The following OGDH variants were observed in gnomAD, a reference collection of about 807,000 sequenced individuals.
OGDH encodes the protein 2-oxoglutarate dehydrogenase complex component E1.
OGDH carries 38 observed loss-of-function variants against 116.6 expected under a neutral mutation model. The ratio of observed to expected loss-of-function variants is 0.33; its 90% CI spans 0.25 to 0.43. The LOEUF is 0.43. Ranked by LOEUF, OGDH falls within the 20% of genes least tolerant of loss-of-function variation. OGDH has a pLI of 1.00. For synonymous variants in OGDH, 488 were observed against 533.3 expected, an observed-to-expected ratio of 0.92 and a Z score of 1.17; for missense variants, 825 against 1,357.2, an observed-to-expected ratio of 0.61 and a Z score of 6.16.
intron 4 of OGDH, among the ~76,000 whole-genome samples, chr7:44,665,977 T>A (rs115421017): frequency 7.4e-4 from 113 of 152,348 alleles, no homozygotes; most frequent in African/African-American, 2.1e-3. Context: ...TCCCCCACAG[T>A]GCTGCAGCGA....
intron 5 of OGDH, among the ~76,000 whole-genome samples, chr7:44,671,034 G>T (rs980504772): frequency 6.8e-6 from 1 of 146,544 alleles, no homozygotes; most frequent in Non-Finnish European, 1.5e-5. Context: ...AAAAAGAAAA[G>T]AAAAAAAAGA....
chr7:44,631,702 G>A (rs894529122), intron 2 of OGDH, among the ~76,000 whole-genome samples: 1 of 152,228 alleles, frequency 6.6e-6, no homozygotes, highest in Non-Finnish European at 1.5e-5. Flanking sequence ...TGTGTTCGAA[G>A]CTTGTGCTGA....
chr7:44,607,234 C>G (rs1446792407), intron 1 of OGDH, among the ~76,000 whole-genome samples: 2 of 152,366 alleles, frequency 1.3e-5, no homozygotes, highest in African/African-American at 4.8e-5. Flanking sequence ...GCCCCCACAC[C>G]TGCTGCCAGA....
chr7:44,616,827 G>GTATATATACACATATACGTGTA (rs1483216265), intron 1 of OGDH, among the ~76,000 whole-genome samples: 13 of 124,818 alleles, frequency 1.0e-4, no homozygotes, highest in South Asian at 2.7e-4. Flanking sequence ...GTATATATGT[G>GTATATATACACATATACGTGTA]TATATATACA....
At chr7:44,647,823 T>A in intron 4 of OGDH, 64 bp downstream of exon 4, 1 of 1,250,028 alleles carries the variant, frequency 8.0e-7, no homozygotes, top group Non-Finnish European at 1.2e-6. Context: ...CGACCTGTGG[T>A]AGCCAGGATG....
intron 1 of OGDH, among the ~76,000 whole-genome samples, chr7:44,623,555 T>G (rs549261206): frequency 1.3e-5 from 2 of 152,236 alleles, no homozygotes; most frequent in South Asian, 4.2e-4. Flanking sequence ...CCTTGTTGCC[T>G]TTCTTCTAAT....
At chr7:44,616,847 GTATATATATACACATATATATATACGTA>G (rs1784819040) in intron 1 of OGDH, among the ~76,000 whole-genome samples, 2 of 122,190 alleles carry the variant, frequency 1.6e-5, no homozygotes, top group East Asian at 2.6e-4. Flanking sequence ...ACATATACGT[GTATATATATACACATATATATATACGTA>G]TATATATATG....
intron 10 of OGDH, among the ~76,000 whole-genome samples, chr7:44,693,550 A>G (rs1788454523): frequency 6.6e-6 from 1 of 152,246 alleles, no homozygotes; most frequent in Non-Finnish European, 1.5e-5. Context: ...AAAGGAAAAC[A>G]TCAGAATATT....
chr7:44,696,664 C>T (rs1423127869), intron 14 of OGDH, 107 bp downstream of exon 14: 2 of 1,490,600 alleles, frequency 1.3e-6, no homozygotes, highest in Non-Finnish European at 1.8e-6. Context: ...CCTACAGAGA[C>T]TCCCTTCCTG....
rs115198193 is a variant in OGDH, at chr7:44,654,400, C to T, written c.517+6641C>T. Among the ~76,000 whole-genome samples, 880 of 152,316 alleles carry T rather than the reference C, an allele frequency of 5.8e-3. 10 individuals carry two copies. The highest frequency in any genetic ancestry group is 0.019 in the African/African-American group (803 of 41,556). On this transcript the variant is annotated intron_variant, in intron 4 of 22. Transcript: ENST00000222673. Reference sequence around the variant, plus strand: ...TCTGACAACCTGCTGTCATTAACAGCACAGCGAGTCATGACAAAGTTTCCA... The same window carrying T: ...TCTGACAACCTGCTGTCATTAACAGTACAGCGAGTCATGACAAAGTTTCCA...
At chr7:44,633,050 G>A (rs1785511036) in intron 2 of OGDH, among the ~76,000 whole-genome samples, 1 of 150,696 alleles carries the variant, frequency 6.6e-6, no homozygotes, top group Non-Finnish European at 1.5e-5. Flanking sequence ...TCAGGAGATC[G>A]AGACCATCCT....
At chr7:44,624,614 G>T (rs895939690) in intron 2 of OGDH, 49 bp downstream of exon 2, 1 of 1,518,824 alleles carries the variant, frequency 6.6e-7, no homozygotes, top group Non-Finnish European at 9.1e-7. Context: ...GTGTTGGCCT[G>T]TTCCTGACTG....
intron 9 of OGDH, among the ~76,000 whole-genome samples, chr7:44,680,335 A>G (rs1456970041): frequency 6.6e-6 from 1 of 152,178 alleles, no homozygotes; most frequent in Non-Finnish European, 1.5e-5. Context: ...AAAGAGGTAT[A>G]GGCTGTGTAT....
intron 1 of OGDH, among the ~76,000 whole-genome samples, chr7:44,613,649 A>G (rs1360656898): frequency 1.3e-5 from 2 of 149,790 alleles, no homozygotes; most frequent in Non-Finnish European, 3.0e-5. Flanking sequence ...GTGAGCCACC[A>G]CGCCCGGCTA....
In OGDH at chr7:44,696,828, C is replaced by T; in HGVS notation, c.1901-86C>T. On this transcript the variant is annotated intron_variant, in intron 14 of 22. Coordinates refer to ENST00000222673, the MANE Select transcript of OGDH (RefSeq NM_002541.4). ...CCAGAAACTACGAGTAAAGAAGGCT[C>T]CGCTCTTGCCATGGGCACGCTGAGA... is the stretch of plus-strand genomic sequence containing the variant. 3.4e-6 allele frequency: 5 copies of T among 1,460,666 alleles called. No homozygotes were observed. In the South Asian group the frequency reaches 6.8e-5, roughly 20 times the overall value. 90.5% of individuals were successfully genotyped at this position (1,460,666 alleles called of 1,614,324 possible).
intron 2 of OGDH, among the ~76,000 whole-genome samples, chr7:44,629,052 C>A (rs1045328590): frequency 2.0e-5 from 3 of 152,202 alleles, no homozygotes; most frequent in Non-Finnish European, 4.4e-5. Flanking sequence ...GCCTATGAAA[C>A]CCTCCTCATT....
chr7:44,666,309 A>G (rs918500504), intron 4 of OGDH, among the ~76,000 whole-genome samples: 2 of 152,118 alleles, frequency 1.3e-5, no homozygotes, highest in Non-Finnish European at 2.9e-5. Flanking sequence ...CTGTTCTTCT[A>G]TATCAGTTCT....
At chr7:44,610,298 T>G (rs893584269) in intron 1 of OGDH, among the ~76,000 whole-genome samples, 1 of 152,128 alleles carries the variant, frequency 6.6e-6, no homozygotes, top group Non-Finnish European at 1.5e-5. Flanking sequence ...CATCTTGGTT[T>G]TTTTTTTGTT....
At chr7:44,611,410 A>C (rs1585207823) in intron 1 of OGDH, among the ~76,000 whole-genome samples, 1 of 150,910 alleles carries the variant, frequency 6.6e-6, no homozygotes, top group Admixed American at 6.6e-5. Flanking sequence ...CTGGGACTAC[A>C]GGTGCCCGCC....
Sources: gnomAD v4.1 joint callset for allele counts (sites outside exome capture counted in the v4.1 genomes callset) on GRCh38, gnomAD v4.1.1 for gene constraint, MANE v1.5 for transcripts, NCBI Gene and HGNC (gene_info 2026-07-23, HGNC 2026-07-21) for gene names.